The following CCDC3 variants were observed in gnomAD, a reference collection of about 807,000 sequenced individuals.
CCDC3 encodes the protein coiled-coil domain containing 3, also known as coiled-coil domain-containing protein 3.
Under a neutral mutation model 21.4 loss-of-function variants are expected in CCDC3, and 24 were observed. The observed-to-expected ratio is 1.12, with a 90% CI of 0.81 to 1.58. CCDC3 has a LOEUF of 1.58. Among genes scored for constraint, CCDC3 ranks in the 40% most tolerant of loss-of-function variants. The pLI is 0.00. For synonymous variants in CCDC3, 186 were observed against 166.0 expected (o/e 1.12, Z -0.93); for missense variants, 425 against 360.9 (o/e 1.18, Z -1.44).
intron 5 of CCDC3, among the ~76,000 whole-genome samples, chr10:13,039,479 T>C (rs892244167): frequency 1.3e-5 from 2 of 152,050 alleles, no homozygotes; most frequent in African/African-American, 4.8e-5. Flanking sequence ...TATTTGGTTA[T>C]TTACACTGGA....
chr10:12,953,842 G>T (rs1381190727), intron 2 of CCDC3, among the ~76,000 whole-genome samples: 1 of 152,206 alleles, frequency 6.6e-6, no homozygotes. Flanking sequence ...GTCTAGAACA[G>T]GCACTGGCAA....
At chr10:13,090,038 T>TATAGATAG (rs1215974678) in intron 3 of CCDC3, among the ~76,000 whole-genome samples, 1 of 1,444 alleles carries the variant, frequency 6.9e-4, no homozygotes, top group African/African-American at 7.7e-4. Context: ...CCGTTAGATA[T>TATAGATAG]ATATATATAT....
intron 2 of CCDC3, among the ~76,000 whole-genome samples, chr10:12,952,485 G>A (rs1835021888): frequency 6.6e-6 from 1 of 152,182 alleles, no homozygotes; most frequent in African/African-American, 2.4e-5. Flanking sequence ...TCTCCAGCTT[G>A]AAATGTTTTG....
intron 2 of CCDC3, among the ~76,000 whole-genome samples, chr10:12,968,546 T>G (rs1589025185): frequency 6.6e-6 from 1 of 152,318 alleles, no homozygotes; most frequent in South Asian, 2.1e-4. Context: ...CATCAAAGTA[T>G]AAAACTCATT....
At chr10:13,084,468 A>C (rs1219714326) in intron 3 of CCDC3, among the ~76,000 whole-genome samples, 2 of 151,838 alleles carry the variant, frequency 1.3e-5, no homozygotes, top group Non-Finnish European at 2.9e-5. Flanking sequence ...TTGTATTTTT[A>C]ATAGAGACAG....
At chr10:12,981,177 A>G (rs1311203965) in intron 2 of CCDC3, among the ~76,000 whole-genome samples, 1 of 105,558 alleles carries the variant, frequency 9.5e-6, no homozygotes, top group Non-Finnish European at 1.8e-5. Flanking sequence ...CTGGCCCAGG[A>G]TTTTTTTTTT....
chr10:12,910,962 G>C (rs1388026920), intron 2 of CCDC3, among the ~76,000 whole-genome samples: 1 of 152,194 alleles, frequency 6.6e-6, no homozygotes, highest in Non-Finnish European at 1.5e-5. Flanking sequence ...GTTGCGGCCA[G>C]CCCCTGTGAA....
At chr10:13,039,660 T>G (rs952030976) in intron 5 of CCDC3, among the ~76,000 whole-genome samples, 5 of 152,132 alleles carry the variant, frequency 3.3e-5, no homozygotes, top group African/African-American at 1.2e-4. Flanking sequence ...GAGATTAAAG[T>G]TGGGAGAGTG....
intron 2 of CCDC3, among the ~76,000 whole-genome samples, chr10:12,936,173 C>G (rs1016708963): frequency 6.6e-6 from 1 of 152,166 alleles, no homozygotes; most frequent in African/African-American, 2.4e-5. Flanking sequence ...ACGGTAATCT[C>G]AGTTTTTGTT....
chr10:12,914,926 A>G (rs1304528218), intron 2 of CCDC3, among the ~76,000 whole-genome samples: 2 of 152,118 alleles, frequency 1.3e-5, no homozygotes, highest in East Asian at 1.9e-4. Context: ...TTGAGGTAAC[A>G]CTAGATGTTT....
At chr10:12,939,790 G>C (rs978006803) in intron 2 of CCDC3, among the ~76,000 whole-genome samples, 1 of 152,110 alleles carries the variant, frequency 6.6e-6, no homozygotes, top group Non-Finnish European at 1.5e-5. Context: ...TGAAATCAAG[G>C]CCTGGCCAAT....
upstream of CCDC3, chr10:13,099,834 G>C (rs1238848363): frequency 6.6e-6 from 1 of 152,056 alleles, no homozygotes; most frequent in Non-Finnish European, 1.5e-5. Flanking sequence ...GGAAGACACG[G>C]GGAAGACGAA....
At chr10:13,081,901 G>C (rs1484333689) in intron 3 of CCDC3, among the ~76,000 whole-genome samples, 2 of 152,200 alleles carry the variant, frequency 1.3e-5, no homozygotes, top group Non-Finnish European at 2.9e-5. Flanking sequence ...TAATCGACAA[G>C]ACATGGACTT....
At position 12,948,728 on chromosome 10, in the gene CCDC3, GTTTTTTT is replaced by G. The variant is rs72323989; in HGVS notation, c.549+49603_549+49609del. Among the ~76,000 whole-genome samples, 826 of 91,084 alleles carry G rather than the reference GTTTTTTT, an allele frequency of 9.1e-3. 7 individuals carry two copies. The highest frequency in any genetic ancestry group is 0.019 in the Admixed American group (117 of 6,234). 59.8% of individuals were successfully genotyped at this position (91,084 alleles called of 152,430 possible). A position where few individuals can be genotyped will look rare whatever the true frequency, so the allele number is the denominator to read the frequency against. ...AATTTAAGTCCTCATTTTTAAGGCA[GTTTTTTT>G]TTTTTTTTTTTTTTTGAGACAGAGT... On this transcript the variant is annotated intron_variant, in intron 2 of 2. Transcript: ENST00000378825.
At position 13,001,462 on chromosome 10, in the gene CCDC3, C is replaced by T. The variant is rs1422804072; in HGVS notation, c.109G>A (p.Ala37Thr). 5 of 1,430,448 alleles carry T rather than the reference C, an allele frequency of 3.5e-6. No homozygotes were observed. The highest frequency in any genetic ancestry group is 5.9e-5 in the Admixed American group (2 of 34,116). The allele number at this position is 1,430,448 out of a possible 1,614,324, so 88.6% of individuals were successfully genotyped here. The change falls in exon 1 of 3, where the codon GCC (alanine) becomes ACC (threonine). Residue 37 changes from alanine (A) to threonine (T), a missense_variant. Transcript: ENST00000378825. ...EWRPLSEGCR[A>T]ELAETIVYAR... Reference sequence around the variant, plus strand: ...TACACGATGGTCTCGGCCAGCTCGGCGCGGCAGCCCTCGCTCAGGGGCCTC... The same window carrying T: ...TACACGATGGTCTCGGCCAGCTCGGTGCGGCAGCCCTCGCTCAGGGGCCTC...
intron 2 of CCDC3, among the ~76,000 whole-genome samples, chr10:12,962,498 G>T (rs1835194553): frequency 6.6e-6 from 1 of 152,186 alleles, no homozygotes; most frequent in South Asian, 2.1e-4. Context: ...AGCTACTCAG[G>T]AGGCTGAGGC....
chr10:13,044,211 C>T (rs1228695207), intron 5 of CCDC3, among the ~76,000 whole-genome samples: 2 of 152,074 alleles, frequency 1.3e-5, no homozygotes, highest in East Asian at 3.9e-4. Context: ...GTTATTGTTT[C>T]TTGCTTGTTG....
chr10:13,090,064 T>TC (rs1832545743), intron 3 of CCDC3, among the ~76,000 whole-genome samples: 1 of 63,304 alleles, frequency 1.6e-5, no homozygotes, highest in Non-Finnish European at 3.1e-5. Context: ...TATATATATA[T>TC]ATATATATAT....
intron 2 of CCDC3, among the ~76,000 whole-genome samples, chr10:12,899,645 G>T (rs79175716): frequency 0.011 from 1,749 of 152,314 alleles, 22 homozygotes; most frequent in Admixed American, 0.025. Flanking sequence ...GTGAATGGTG[G>T]TGTAGCAATG....
Sources: gnomAD v4.1 joint callset for allele counts (sites outside exome capture counted in the v4.1 genomes callset) on GRCh38, gnomAD v4.1.1 for gene constraint, MANE v1.5 for transcripts, NCBI Gene and HGNC (gene_info 2026-07-23, HGNC 2026-07-21) for gene names.